The following ZNF717 variants were observed in gnomAD, a reference collection of about 807,000 sequenced individuals.
The protein encoded by ZNF717 is zinc finger protein 717, also known as krueppel-like factor X17.
ZNF717 carries 9 observed loss-of-function variants against 13.8 expected under a neutral mutation model. The ratio of observed to expected loss-of-function variants is 0.65; its 90% CI spans 0.39 to 1.14. ZNF717 has a LOEUF of 1.14. Among genes scored for constraint, ZNF717 ranks in the 50% most tolerant of loss-of-function variants. ZNF717 has a pLI of 0.01. For synonymous variants in ZNF717, 327 were observed against 364.1 expected, an observed-to-expected ratio of 0.90 and a Z score of 1.16; for missense variants, 1,040 against 1,080.7, an observed-to-expected ratio of 0.96 and a Z score of 0.53.
intron 6 of ZNF717, among the ~76,000 whole-genome samples, chr3:75,701,716 G>A (rs138350438): frequency 3.3e-5 from 5 of 152,296 alleles, no homozygotes; most frequent in African/African-American, 9.6e-5. Flanking sequence ...ACCCAGTCTC[G>A]AGTATTTTTT....
intron 6 of ZNF717, among the ~76,000 whole-genome samples, chr3:75,704,028 T>C (rs2106818774): frequency 1.3e-5 from 2 of 152,428 alleles, no homozygotes; most frequent in East Asian, 1.9e-4. Flanking sequence ...AAGGATAATA[T>C]TAATGAGCTA....
chr3:75,733,555 G>C (rs1394422503), downstream of ZNF717, among the ~76,000 whole-genome samples: 4 of 152,152 alleles, frequency 2.6e-5, no homozygotes, highest in Admixed American at 6.5e-5. Context: ...AAGGTGGGTG[G>C]ATCATGAGGT....
chr3:75,732,261 G>A (rs1938627383), downstream of ZNF717: 1 of 626,638 alleles, frequency 1.6e-6, no homozygotes, highest in Non-Finnish European at 2.8e-6. Context: ...CTGCTGGAAG[G>A]GAAATTCCCA....
At chr3:75,759,308 C>T (rs1575886323) in intron 2 of ZNF717, among the ~76,000 whole-genome samples, 1 of 147,904 alleles carries the variant, frequency 6.8e-6, no homozygotes, top group East Asian at 2.0e-4. Context: ...CGGAGTCTTG[C>T]TCTGTTGCCC....
At chr3:75,759,963 G>T (rs1394357997) in intron 2 of ZNF717, among the ~76,000 whole-genome samples, 1 of 152,246 alleles carries the variant, frequency 6.6e-6, no homozygotes, top group Non-Finnish European at 1.5e-5. Context: ...TCAGGTTGCT[G>T]TGTCAATACA....
At chr3:75,719,261 G>A (rs1476315018) in intron 4 of ZNF717, among the ~76,000 whole-genome samples, 1 of 148,628 alleles carries the variant, frequency 6.7e-6, no homozygotes. Flanking sequence ...CACCAGCCTG[G>A]GTGATAGAGT....
Position 75,736,751 on chromosome 3 carries a change from G to A in ZNF717, c.*127C>T. ...ACAAAGCCTGCATGATAGGACTTCT[G>A]TTACAGCATGGTTAAGACCTTCTTG... On this transcript the variant is annotated 3_prime_UTR_variant, in exon 5 of 5. Coordinates refer to ENST00000652011, the MANE Select transcript of ZNF717 (RefSeq NM_001290208.3). The A allele has an allele frequency of 1.4e-6, 1 of 728,546 alleles. No individual in the cohort carries two copies. The highest frequency in any genetic ancestry group is 2.1e-6 in the Non-Finnish European group (1 of 471,694). The allele number at this position is 728,546 out of a possible 1,614,324, so 45.1% of individuals were successfully genotyped here.
intron 2 of ZNF717, among the ~76,000 whole-genome samples, chr3:75,762,470 T>A (rs1943120750): frequency 6.6e-6 from 1 of 150,516 alleles, no homozygotes. Context: ...GAATTACATT[T>A]ACAACAGCAT....
In ZNF717 at chr3:75,737,233, T is replaced by A; in HGVS notation, c.2390A>T (p.Asp797Val). ...ECDECRKTFY[D>V]KTVLTIHQRT... The stretch of plus-strand genomic sequence containing the variant: ...CTGATGTATGGTGAGAACTGTCTTA[T>A]CGTAAAAAGTTTTCCTACATTCATC... Residue 797 changes from aspartate to valine, a missense_variant, in exon 5 of 5, where the codon GAT becomes GTT. Physicochemically the swap from Asp to Val is radical, Grantham distance 152. Coordinates refer to ENST00000652011, the MANE Select transcript of ZNF717 (RefSeq NM_001290208.3). The A allele has an allele frequency of 6.4e-7, 1 of 1,552,942 alleles. No individual in the cohort carries two copies. The highest frequency in any genetic ancestry group is 8.7e-7 in the Non-Finnish European group (1 of 1,147,844).
intron 2 of ZNF717, among the ~76,000 whole-genome samples, chr3:75,763,405 G>C (rs1943185865): frequency 6.6e-6 from 1 of 152,180 alleles, no homozygotes; most frequent in Non-Finnish European, 1.5e-5. Flanking sequence ...TGTCATGTTG[G>C]CATTCAAAAA....
chr3:75,779,269 C>T (rs1247677878), intron 2 of ZNF717, among the ~76,000 whole-genome samples: 5 of 148,752 alleles, frequency 3.4e-5, no homozygotes, highest in Non-Finnish European at 5.9e-5. Context: ...GTGCTAAAAC[C>T]GGAACCCAAA....
At chr3:75,721,589 T>C (rs1159341200) in intron 4 of ZNF717, among the ~76,000 whole-genome samples, 1 of 152,194 alleles carries the variant, frequency 6.6e-6, no homozygotes, top group Admixed American at 6.5e-5. Context: ...CCTGATGTTA[T>C]TTAATTTTTA....
At chr3:75,742,040 T>C in intron 2 of ZNF717, among the ~76,000 whole-genome samples, 1 of 152,244 alleles carries the variant, frequency 6.6e-6, no homozygotes, top group East Asian at 1.9e-4. Flanking sequence ...AGTAGAAATA[T>C]GCTTCCACTG....
At chr3:75,712,748 C>G (rs1448268871) in intron 5 of ZNF717, among the ~76,000 whole-genome samples, 2 of 152,198 alleles carry the variant, frequency 1.3e-5, no homozygotes, top group Non-Finnish European at 2.9e-5. Flanking sequence ...CTTCACATCT[C>G]TCTCTTCTAC....
At chr3:75,772,071 C>T (rs1308194531) in intron 2 of ZNF717, among the ~76,000 whole-genome samples, 1 of 152,238 alleles carries the variant, frequency 6.6e-6, no homozygotes, top group Non-Finnish European at 1.5e-5. Flanking sequence ...AAGGATGGCT[C>T]AGCACTGGCC....
chr3:75,775,971 C>T (rs1944286067), intron 2 of ZNF717, among the ~76,000 whole-genome samples: 1 of 151,764 alleles, frequency 6.6e-6, no homozygotes, highest in Admixed American at 6.6e-5. Flanking sequence ...GATTTGCATG[C>T]TAAATCACCA....
chr3:75,718,477 C>A (rs1938106080), intron 4 of ZNF717, among the ~76,000 whole-genome samples: 2 of 152,158 alleles, frequency 1.3e-5, no homozygotes, highest in Non-Finnish European at 2.9e-5. Context: ...TCACACTTAA[C>A]TCCCACAGCC....
At chr3:75,782,709 C>G (rs1255266152) in intron 2 of ZNF717, among the ~76,000 whole-genome samples, 1 of 143,034 alleles carries the variant, frequency 7.0e-6, no homozygotes, top group Non-Finnish European at 1.6e-5. Flanking sequence ...ACACACTATG[C>G]TTTAGCAGCA....
chr3:75,762,440 C>CAAAAAAAAAAAAAAAAAAA, intron 2 of ZNF717, among the ~76,000 whole-genome samples: 1 of 116,438 alleles, frequency 8.6e-6, no homozygotes, highest in African/African-American at 3.4e-5. Context: ...GACTCCATCT[C>CAAAAAAAAAAAAAAAAAAA]AAAAAAAAAA....
Sources: allele counts gnomAD v4.1 joint callset (sites outside exome capture counted in the v4.1 genomes callset), GRCh38; gene constraint gnomAD v4.1.1; transcripts MANE v1.5; gene names NCBI Gene and HGNC (gene_info 2026-07-23, HGNC 2026-07-21).